RARB: variants seen among roughly 807,000 people sequenced by gnomAD.
The protein encoded by RARB is HBV-activated protein.
RARB carries 17 observed loss-of-function variants against 51.9 expected under a neutral mutation model. That is an observed-to-expected ratio of 0.33 (90% CI 0.22 to 0.49). The LOEUF (loss-of-function observed/expected upper bound fraction) is 0.49, where lower values mean the gene tolerates loss of function less well. RARB is among the 20% of genes least tolerant of loss of function. The probability of loss-of-function intolerance (pLI) is 0.99; values close to 1 mark genes in which losing one functional copy is unlikely to be tolerated. For missense variants in RARB, 369 were observed against 550.8 expected, an observed-to-expected ratio of 0.67 and a Z score of 3.30; for synonymous variants, 215 against 195.4, an observed-to-expected ratio of 1.10 and a Z score of -0.84.
At chr3:25,397,399 G>GT in intron 5 of RARB, among the ~76,000 whole-genome samples, 1 of 152,286 alleles carries the variant, frequency 6.6e-6, no homozygotes, top group Non-Finnish European at 1.5e-5. Context: ...GTCCCACAGA[G>GT]TTTACAGTGG....
chr3:25,114,990 CT>C (rs1292248347), intron 3 of RARB, among the ~76,000 whole-genome samples: 1 of 152,116 alleles, frequency 6.6e-6, no homozygotes, highest in Non-Finnish European at 1.5e-5. Context: ...TCAGGTTTCC[CT>C]TTTAGTGCTC....
At chr3:25,246,985 T>A (rs1702578285) in intron 5 of RARB, among the ~76,000 whole-genome samples, 1 of 152,220 alleles carries the variant, frequency 6.6e-6, no homozygotes, top group Non-Finnish European at 1.5e-5. Flanking sequence ...AGCCCCTGAC[T>A]AGGGCTGCTG....
At chr3:25,113,746 G>T (rs570829975) in intron 3 of RARB, among the ~76,000 whole-genome samples, 14 of 152,256 alleles carry the variant, frequency 9.2e-5, no homozygotes, top group African/African-American at 3.1e-4. Context: ...TGAATTAAAA[G>T]ATGGTAGGTA....
At chr3:25,199,795 A>G (rs1346129428) in intron 5 of RARB, among the ~76,000 whole-genome samples, 4 of 152,140 alleles carry the variant, frequency 2.6e-5, no homozygotes, top group African/African-American at 7.2e-5. Flanking sequence ...TTATGGCTGC[A>G]TAGTATTCCA....
chr3:25,246,954 G>C (rs1043550113), intron 5 of RARB, among the ~76,000 whole-genome samples: 2 of 152,204 alleles, frequency 1.3e-5, no homozygotes, highest in African/African-American at 2.4e-5. Context: ...CTGTCCCAGG[G>C]AGAGGGGAGT....
chr3:25,079,054 T>A (rs1698935556), intron 3 of RARB, among the ~76,000 whole-genome samples: 1 of 152,024 alleles, frequency 6.6e-6, no homozygotes, highest in Non-Finnish European at 1.5e-5. Flanking sequence ...GTAGGTTTTT[T>A]TTTTAACTTC....
chr3:25,502,920 T>C (rs1177354109), intron 3 of RARB, among the ~76,000 whole-genome samples: 1 of 152,108 alleles, frequency 6.6e-6, no homozygotes, highest in Non-Finnish European at 1.5e-5. Context: ...TGCCTCCAGG[T>C]CGTTTTGTTA....
intron 4 of RARB, among the ~76,000 whole-genome samples, chr3:25,579,964 A>G (rs1291781396): frequency 3.3e-5 from 5 of 152,188 alleles, no homozygotes; most frequent in Non-Finnish European, 7.4e-5. Flanking sequence ...GAGTTAGAAA[A>G]TGGTGACTCC....
At chr3:25,127,867 C>G (rs1434528574) in intron 3 of RARB, among the ~76,000 whole-genome samples, 1 of 152,006 alleles carries the variant, frequency 6.6e-6, no homozygotes. Flanking sequence ...AAGAGTAGTT[C>G]ACTTCTGTGT....
chr3:25,234,320 T>C (rs1180099128), intron 5 of RARB, among the ~76,000 whole-genome samples: 1 of 152,186 alleles, frequency 6.6e-6, no homozygotes, highest in Non-Finnish European at 1.5e-5. Flanking sequence ...GTCCATTTCA[T>C]CTAAGTTATT....
rs142982495 is a variant in RARB, at chr3:25,216,571, C to T, written c.178+41996C>T. Among the ~76,000 whole-genome samples, 367 of 145,762 alleles carry T rather than the reference C, an allele frequency of 2.5e-3. 1 individual carries two copies. Among genetic ancestry groups the T allele is most frequent in the African/African-American group, 8.5e-3 (339 of 40,016 alleles). On this transcript the variant is annotated intron_variant, in intron 5 of 11. Coordinates refer to the RARB transcript ENST00000383772. The stretch of plus-strand genomic sequence containing the variant: ...AGACACAAAGGGGAACAACACACAC[C>T]GGGGCCTATTGGGGGGTGGGGGGTT...
chr3:25,337,043 T>G (rs1418474994), intron 5 of RARB, among the ~76,000 whole-genome samples: 2 of 152,186 alleles, frequency 1.3e-5, no homozygotes, highest in Non-Finnish European at 1.5e-5. Flanking sequence ...GAAATTACTT[T>G]CTAGTAGAGC....
At chr3:25,216,896 G>C (rs1404316905) in intron 5 of RARB, among the ~76,000 whole-genome samples, 1 of 151,970 alleles carries the variant, frequency 6.6e-6, no homozygotes, top group East Asian at 1.9e-4. Context: ...AGATTTTGCT[G>C]ATTTCATTCC....
intron 5 of RARB, among the ~76,000 whole-genome samples, chr3:25,404,572 G>A (rs1213850778): frequency 1.3e-5 from 2 of 152,202 alleles, no homozygotes; most frequent in Non-Finnish European, 2.9e-5. Flanking sequence ...ATTATGAAAA[G>A]GAAAGTTTGA....
At chr3:24,868,285 G>T (rs898575382) in intron 2 of RARB, among the ~76,000 whole-genome samples, 2 of 152,068 alleles carry the variant, frequency 1.3e-5, no homozygotes, top group African/African-American at 4.8e-5. Context: ...TACACAACAA[G>T]AATAGAAGGC....
At chr3:25,098,590 T>G (rs1421004451) in intron 3 of RARB, among the ~76,000 whole-genome samples, 1 of 152,110 alleles carries the variant, frequency 6.6e-6, no homozygotes, top group East Asian at 1.9e-4. Flanking sequence ...GTGGGTCAAG[T>G]CCAGTCTGCC....
chr3:25,239,781 C>T (rs1702386985), intron 5 of RARB, among the ~76,000 whole-genome samples: 1 of 152,070 alleles, frequency 6.6e-6, no homozygotes, highest in South Asian at 2.1e-4. Flanking sequence ...TTTGGTTATT[C>T]AGGCTCTTTT....
chr3:25,511,666 G>A (rs1466204623), intron 3 of RARB, among the ~76,000 whole-genome samples: 1 of 152,116 alleles, frequency 6.6e-6, no homozygotes, highest in Non-Finnish European at 1.5e-5. Flanking sequence ...CTTAGGAATA[G>A]AAGCAGAGTC....
chr3:24,987,220 T>A (rs992026592), intron 2 of RARB, among the ~76,000 whole-genome samples: 1 of 148,758 alleles, frequency 6.7e-6, no homozygotes, highest in Admixed American at 6.9e-5. Flanking sequence ...TCTTTGGGCT[T>A]CAATCTGTAT....
Sources: gnomAD v4.1 joint callset for allele counts (sites outside exome capture counted in the v4.1 genomes callset) on GRCh38, gnomAD v4.1.1 for gene constraint, MANE v1.5 for transcripts, NCBI Gene and HGNC (gene_info 2026-07-23, HGNC 2026-07-21) for gene names.